CACNB4: variants seen among roughly 807,000 people sequenced by gnomAD.
CACNB4 encodes the protein voltage-dependent L-type calcium channel subunit beta-4.
CACNB4 carries 32 observed loss-of-function variants against 71.2 expected under a neutral mutation model. The observed-to-expected ratio is 0.45, with a 90% CI of 0.34 to 0.60. The LOEUF is 0.60. Ranked by LOEUF, CACNB4 falls within the 20% of genes least tolerant of loss-of-function variation. The pLI is 0.01. For synonymous variants in CACNB4, 231 were observed against 236.9 expected (o/e 0.97, Z 0.23); for missense variants, 464 against 647.9 (o/e 0.72, Z 3.08).
intron 2 of CACNB4, among the ~76,000 whole-genome samples, chr2:151,902,241 G>A (rs553258995): frequency 4.6e-5 from 7 of 152,076 alleles, no homozygotes; most frequent in Non-Finnish European, 8.8e-5. Flanking sequence ...ATGTGGCTGA[G>A]GCTGGTCTCA....
intron 12 of CACNB4, among the ~76,000 whole-genome samples, chr2:151,845,715 GA>G (rs1318386032): frequency 2.0e-5 from 3 of 152,230 alleles, no homozygotes; most frequent in Non-Finnish European, 2.9e-5. Flanking sequence ...TGCAGCCCAA[GA>G]GAAGGGCAAC....
chr2:151,986,270 A>T (rs1323006740), intron 2 of CACNB4, among the ~76,000 whole-genome samples: 1 of 152,248 alleles, frequency 6.6e-6, no homozygotes, highest in Non-Finnish European at 1.5e-5. Flanking sequence ...AAACACTGAT[A>T]TGCCTTTTAC....
rs963735626 is a variant in CACNB4 at position 151,833,311 on chromosome 2, T to C, written c.*5808A>G. Reference sequence around the variant, plus strand: ...AAACACAGCTAATGGCTTTAACTTATGTTTCAAAGTAGTATTCAGTACAAA... The same window carrying C: ...AAACACAGCTAATGGCTTTAACTTACGTTTCAAAGTAGTATTCAGTACAAA... On this transcript the variant is annotated 3_prime_UTR_variant, in exon 14 of 14. Transcript: ENST00000539935. 8.5e-5 allele frequency: 13 copies of C among 152,280 alleles called. No homozygotes were observed. The highest frequency in any genetic ancestry group is 2.9e-4 in the African/African-American group (12 of 41,586). 9.4% of individuals were successfully genotyped at this position (152,280 alleles called of 1,614,324 possible). A position where few individuals can be genotyped will look rare whatever the true frequency, so the allele number is the denominator to read the frequency against.
intron 12 of CACNB4, among the ~76,000 whole-genome samples, chr2:151,848,467 T>G (rs1050967557): frequency 7.2e-5 from 11 of 152,194 alleles, no homozygotes; most frequent in Admixed American, 6.5e-4. Flanking sequence ...ATAAAATGAC[T>G]GGAAGAGGGC....
At chr2:151,894,896 A>G (rs1035116058) in intron 2 of CACNB4, among the ~76,000 whole-genome samples, 3 of 152,044 alleles carry the variant, frequency 2.0e-5, no homozygotes, top group African/African-American at 7.2e-5. Flanking sequence ...ACTACAAAAC[A>G]CTGATGAAAG....
intron 2 of CACNB4, among the ~76,000 whole-genome samples, chr2:152,088,522 T>C (rs1274031124): frequency 3.3e-5 from 5 of 152,252 alleles, no homozygotes; most frequent in Non-Finnish European, 7.3e-5. Flanking sequence ...TTCAAGTTTA[T>C]GTTTACAAAA....
At chr2:151,932,420 C>T (rs144849851) in intron 2 of CACNB4, among the ~76,000 whole-genome samples, 131 of 152,214 alleles carry the variant, frequency 8.6e-4, no homozygotes, top group Non-Finnish European at 1.6e-3. Context: ...GAAGGAGCTT[C>T]ACCAGTGGAG....
At chr2:151,858,991 G>A (rs1387027267) in intron 10 of CACNB4, 1 of 152,144 alleles carries the variant, frequency 6.6e-6, no homozygotes, top group African/African-American at 2.4e-5. Flanking sequence ...TACTGTGTGT[G>A]GGTTATGTCT....
intron 9 of CACNB4, among the ~76,000 whole-genome samples, chr2:151,863,464 T>C (rs1434308123): frequency 6.6e-6 from 1 of 152,192 alleles, no homozygotes; most frequent in African/African-American, 2.4e-5. Flanking sequence ...TCCAAATATA[T>C]GACGAGAGAC....
intron 2 of CACNB4, among the ~76,000 whole-genome samples, chr2:151,894,986 C>T (rs1215221141): frequency 6.6e-6 from 1 of 151,894 alleles, no homozygotes; most frequent in Admixed American, 6.6e-5. Flanking sequence ...GACCATATTA[C>T]CCAAAGCAAT....
At chr2:152,029,790 T>G (rs2105181275) in intron 2 of CACNB4, among the ~76,000 whole-genome samples, 2 of 152,284 alleles carry the variant, frequency 1.3e-5, no homozygotes, top group South Asian at 4.1e-4. Context: ...CCTTGCCCCT[T>G]CTACCATTTG....
chr2:152,012,742 G>T (rs763445600), intron 2 of CACNB4, among the ~76,000 whole-genome samples: 5 of 152,194 alleles, frequency 3.3e-5, no homozygotes, highest in Non-Finnish European at 5.9e-5. Flanking sequence ...TTAAAAAGAA[G>T]TTAAAGTTTA....
chr2:151,877,738 A>T (rs1364609299), intron 4 of CACNB4, among the ~76,000 whole-genome samples: 1 of 152,216 alleles, frequency 6.6e-6, no homozygotes, highest in African/African-American at 2.4e-5. Context: ...GAAATTTTGC[A>T]AATAACTTCC....
intron 2 of CACNB4, among the ~76,000 whole-genome samples, chr2:152,083,366 AAGGGAGGG>A (rs951609252): frequency 9.0e-6 from 1 of 111,574 alleles, no homozygotes; most frequent in Non-Finnish European, 1.8e-5. Flanking sequence ...GGAAGGAAGG[AAGGGAGGG>A]AGGGAAGGAG....
At chr2:152,059,908 T>C (rs956267079) in intron 2 of CACNB4, among the ~76,000 whole-genome samples, 3 of 152,198 alleles carry the variant, frequency 2.0e-5, no homozygotes, top group Non-Finnish European at 4.4e-5. Context: ...GTTCTCATGA[T>C]AGTGAGTGAG....
intron 12 of CACNB4, among the ~76,000 whole-genome samples, chr2:151,845,078 G>A (rs1198871776): frequency 3.9e-5 from 6 of 152,184 alleles, no homozygotes; most frequent in Non-Finnish European, 4.4e-5. Context: ...TTTGAATGAG[G>A]TTTATATCTA....
At chr2:152,013,577 C>A (rs368619762) in intron 2 of CACNB4, among the ~76,000 whole-genome samples, 13 of 152,050 alleles carry the variant, frequency 8.5e-5, no homozygotes, top group African/African-American at 2.9e-4. Context: ...AGAGGCTCTG[C>A]AGAGGGGATA....
intron 2 of CACNB4, among the ~76,000 whole-genome samples, chr2:151,911,492 T>A (rs770702178): frequency 2.6e-4 from 40 of 152,200 alleles, no homozygotes; most frequent in Non-Finnish European, 5.4e-4. Flanking sequence ...GACTTGCGTA[T>A]GTTGAACCAG....
intron 2 of CACNB4, among the ~76,000 whole-genome samples, chr2:151,892,367 TAAAAAAAA>T (rs201052921): frequency 7.1e-6 from 1 of 139,976 alleles, no homozygotes; most frequent in Admixed American, 7.2e-5. Context: ...ACTTGTGTCT[TAAAAAAAA>T]AAAAAGAAAA....
Sources: allele counts gnomAD v4.1 joint callset (sites outside exome capture counted in the v4.1 genomes callset), GRCh38; gene constraint gnomAD v4.1.1; transcripts MANE v1.5; gene names NCBI Gene and HGNC (gene_info 2026-07-23, HGNC 2026-07-21).